The following SNTG2 variants were observed in gnomAD, a reference collection of about 807,000 sequenced individuals.
SNTG2 encodes the protein syntrophin gamma 2, also known as gamma-2-syntrophin.
SNTG2 carries 74 observed loss-of-function variants against 70.9 expected under a neutral mutation model. The observed-to-expected ratio is 1.04, with a 90% confidence interval of 0.86 to 1.27. The LOEUF (loss-of-function observed/expected upper bound fraction) is 1.27. Among genes scored for constraint, SNTG2 ranks in the 50% most tolerant of loss-of-function variants. The probability of loss-of-function intolerance (pLI) is 0.00; values close to 1 mark genes in which losing one functional copy is unlikely to be tolerated. For synonymous variants in SNTG2, 278 were observed against 273.8 expected (o/e 1.02, Z -0.15); for missense variants, 717 against 690.7 (o/e 1.04, Z -0.43).
At chr2:1,201,782 TA>T (rs1270421703) in intron 8 of SNTG2, among the ~76,000 whole-genome samples, 1 of 151,834 alleles carries the variant, frequency 6.6e-6, no homozygotes, top group Non-Finnish European at 1.5e-5. Flanking sequence ...CAAATAAAAG[TA>T]AATGAAATGA....
Position 1,305,840 on chromosome 2 carries a change from G to C in SNTG2, c.1285-2654G>C, listed in dbSNP as rs542160632. ...TTGTGTGCTTATGTGGCCATCTGGA[G>C]TAACTTTGTCCTGTGCCGTAAAGAT... On this transcript the variant is annotated intron_variant, in intron 14 of 16. Coordinates refer to ENST00000308624, the MANE Select transcript of SNTG2 (RefSeq NM_018968.4). Among the ~76,000 whole-genome samples the C allele has an allele frequency of 5.1e-4, 77 of 152,326 alleles. 1 individual carries two copies. The highest frequency in any genetic ancestry group is 3.4e-3 in the Middle Eastern group (1 of 294).
rs557179862 is a variant in SNTG2, at chr2:999,760, A to G, written c.72+48692A>G. ...AAATCAACTAAAAATTAGCGGACTA[A>G]AATTTGTGGACCAGATGGACATAAC... On this transcript the variant is annotated intron_variant, in intron 1 of 16. Transcript: ENST00000308624. Among the ~76,000 whole-genome samples, 17 of 152,106 alleles carry G rather than the reference A, an allele frequency of 1.1e-4. No individual in the cohort carries two copies. The East Asian group carries it at 3.3e-3, about 29-fold the overall frequency.
At chr2:1,012,017 T>A (rs1001372842) in intron 1 of SNTG2, among the ~76,000 whole-genome samples, 7 of 152,244 alleles carry the variant, frequency 4.6e-5, no homozygotes, top group Non-Finnish European at 1.0e-4. Context: ...GAAACTTTCT[T>A]TTCCCCAGTG....
In SNTG2 at chr2:1,239,753, A is replaced by G. The variant is rs748550230; in HGVS notation, c.865A>G (p.Lys289Glu). ...CTCTCCACAGATGAAGATGGCGAACAAATGCTGCTCTCCTTCCGACCAGGT... is the reference window on the plus strand; with the variant it reads ...CTCTCCACAGATGAAGATGGCGAACGAATGCTGCTCTCCTTCCGACCAGGT... ...LTLQNMKMANKCCSPSDQVVH... is the reference protein window; with the variant it reads ...LTLQNMKMANECCSPSDQVVH... Residue 289 changes from lysine to glutamate, a missense_variant, in exon 11 of 17, where the codon AAA (lysine) becomes GAA (glutamate). Lys to Glu is a moderately conservative substitution (Grantham distance 56, BLOSUM62 1). Transcript: ENST00000308624. 1.6e-5 allele frequency: 26 copies of G among 1,613,620 alleles called. No individual in the cohort carries two copies. The highest frequency in any genetic ancestry group is 2.1e-5 in the Non-Finnish European group (25 of 1,179,826).
intron 14 of SNTG2, among the ~76,000 whole-genome samples, chr2:1,281,410 TGTG>T (rs1413043673): frequency 5.4e-4 from 1 of 1,856 alleles, no homozygotes; most frequent in African/African-American, 2.5e-3. Flanking sequence ...TGTGGTGTGT[TGTG>T]TGTGTGTGTG....
At chr2:1,213,472 A>G (rs1203952721) in intron 9 of SNTG2, among the ~76,000 whole-genome samples, 5 of 152,244 alleles carry the variant, frequency 3.3e-5, no homozygotes, top group African/African-American at 1.2e-4. Context: ...TGAAATAAAT[A>G]TGAGCTTTGC....
chr2:1,161,675 C>T (rs1174277124), intron 6 of SNTG2: 1 of 152,196 alleles, frequency 6.6e-6, no homozygotes, highest in East Asian at 1.9e-4. Flanking sequence ...AATTGAATGC[C>T]TTTGTCTTGT....
At chr2:1,249,315 G>T (rs1677623675) in intron 12 of SNTG2, among the ~76,000 whole-genome samples, 1 of 152,078 alleles carries the variant, frequency 6.6e-6, no homozygotes, top group African/African-American at 2.4e-5. Context: ...ACATTCACTT[G>T]CTTTTTTTTT....
chr2:1,083,344 A>G (rs956339534), intron 1 of SNTG2, among the ~76,000 whole-genome samples, 174 bp from the exon 2 acceptor site: 1 of 151,922 alleles, frequency 6.6e-6, no homozygotes, highest in African/African-American at 2.4e-5. Flanking sequence ...TCAACATTTT[A>G]TTATTTTTTG....
chr2:1,310,022 C>G (rs1240062950), intron 15 of SNTG2, among the ~76,000 whole-genome samples: 2 of 152,216 alleles, frequency 1.3e-5, no homozygotes, highest in Admixed American at 1.3e-4. Context: ...AGCAACTATT[C>G]AAGTGTAAGG....
intron 14 of SNTG2, among the ~76,000 whole-genome samples, chr2:1,299,474 C>T (rs1226100909): frequency 6.6e-6 from 1 of 152,170 alleles, no homozygotes; most frequent in Non-Finnish European, 1.5e-5. Flanking sequence ...GCTTCCATCC[C>T]TGTCTCCACA....
In SNTG2 at chr2:1,308,743, G is replaced by A. The variant is rs184606182; in HGVS notation, c.1377+157G>A. Among the ~76,000 whole-genome samples the A allele has an allele frequency of 1.6e-3, 239 of 152,216 alleles. 1 individual carries two copies. In the Middle Eastern group the frequency reaches 0.027, roughly 17 times the overall value. ...CTTTCATAGACTTTTTTTTCTGATAGCTCAGGGCCCCAGGATCGCCACAAG... is the reference window on the plus strand; with the variant it reads ...CTTTCATAGACTTTTTTTTCTGATAACTCAGGGCCCCAGGATCGCCACAAG... On this transcript the variant is annotated intron_variant, in intron 15 of 16. Coordinates refer to ENST00000308624, the MANE Select transcript of SNTG2 (RefSeq NM_018968.4).
intron 2 of SNTG2, among the ~76,000 whole-genome samples, 151 bp downstream of exon 2, chr2:1,083,806 A>G (rs868690382): frequency 6.6e-6 from 1 of 152,232 alleles, no homozygotes; most frequent in African/African-American, 2.4e-5. Flanking sequence ...TGTGTCACAA[A>G]ATACAGTTTT....
intron 14 of SNTG2, among the ~76,000 whole-genome samples, chr2:1,292,784 G>A (rs73177756): frequency 0.012 from 1,768 of 152,230 alleles, 35 homozygotes; most frequent in African/African-American, 0.041. Flanking sequence ...AATCTTCATA[G>A]GGGATATTGG....
chr2:1,367,409 G>A lies in SNTG2; in HGVS notation c.1555G>A (p.Ala519Thr), dbSNP rs1375441746. 11 of 1,551,584 alleles carry A rather than the reference G, an allele frequency of 7.1e-6. 1 individual carries two copies. The South Asian group carries it at 1.2e-4, about 17-fold the overall frequency. Residue 519 changes from alanine to threonine, a missense_variant, in exon 17 of 17, where the codon GCC becomes ACC. By Grantham distance (58) the Ala-to-Thr change is moderately conservative (BLOSUM62 0). Coordinates refer to ENST00000308624, the MANE Select transcript of SNTG2 (RefSeq NM_018968.4). ...CIHSFIAAKV[A>T]SVDPGFMDSQ... ...CCACTCCTTCATAGCAGCCAAGGTG[G>A]CCTCCGTGGACCCCGGCTTCATGGA...
intron 1 of SNTG2, among the ~76,000 whole-genome samples, chr2:1,007,291 C>G (rs1025161240): frequency 6.6e-6 from 1 of 152,122 alleles, no homozygotes; most frequent in Admixed American, 6.5e-5. Flanking sequence ...CTGACCCACA[C>G]GATCCTAGGC....
intron 1 of SNTG2, among the ~76,000 whole-genome samples, chr2:975,647 CA>C (rs35782018): frequency 1.3e-5 from 2 of 151,804 alleles, no homozygotes; most frequent in Admixed American, 1.3e-4. Context: ...TAATGTTTGA[CA>C]AAAAATACCT....
chr2:1,329,033 T>A (rs569515293), intron 16 of SNTG2, among the ~76,000 whole-genome samples: 1 of 152,306 alleles, frequency 6.6e-6, no homozygotes, highest in East Asian at 1.9e-4. Context: ...CTACAGACTC[T>A]TAAAAAATCC....
chr2:1,015,199 T>C (rs1315320818), intron 1 of SNTG2, among the ~76,000 whole-genome samples: 2 of 152,110 alleles, frequency 1.3e-5, no homozygotes, highest in African/African-American at 4.8e-5. Context: ...TGTGGGCAGC[T>C]GGGACCATGT....
Sources: allele counts gnomAD v4.1 joint callset (sites outside exome capture counted in the v4.1 genomes callset), GRCh38; gene constraint gnomAD v4.1.1; transcripts MANE v1.5; gene names NCBI Gene and HGNC (gene_info 2026-07-23, HGNC 2026-07-21).